The following BMERB1 variants were observed in gnomAD, a reference collection of about 807,000 sequenced individuals.
BMERB1 encodes the protein bMERB domain containing 1.
In BMERB1, 12 loss-of-function variants were observed where a neutral mutation model predicts 23.6. The ratio of observed to expected loss-of-function variants is 0.51; its 90% CI spans 0.33 to 0.82. The LOEUF (loss-of-function observed/expected upper bound fraction) is 0.82. Ranked by LOEUF, BMERB1 falls within the 40% of genes least tolerant of loss-of-function variation. The pLI is 0.03. For missense variants in BMERB1, 247 were observed against 255.4 expected, an observed-to-expected ratio of 0.97 and a Z score of 0.22; for synonymous variants, 122 against 96.6, an observed-to-expected ratio of 1.26 and a Z score of -1.54.
chr16:15,506,638 C>G (rs546572161), intron 1 of BMERB1, among the ~76,000 whole-genome samples: 2 of 152,008 alleles, frequency 1.3e-5, no homozygotes, highest in Non-Finnish European at 2.9e-5. Flanking sequence ...GATTGCCTAA[C>G]CAACCACCTG....
chr16:15,461,429 C>T (rs941625092), intron 1 of BMERB1, among the ~76,000 whole-genome samples: 1 of 152,150 alleles, frequency 6.6e-6, no homozygotes, highest in African/African-American at 2.4e-5. Flanking sequence ...TTCCCTGCTT[C>T]CTTCTCACAC....
intron 1 of BMERB1, among the ~76,000 whole-genome samples, chr16:15,463,969 G>T (rs1394625556): frequency 2.0e-5 from 3 of 152,038 alleles, no homozygotes; most frequent in African/African-American, 7.2e-5. Context: ...TGTGCAAGAA[G>T]AAATTTGGGG....
chr16:15,534,220 C>G (rs1280350832), intron 2 of BMERB1, among the ~76,000 whole-genome samples: 1 of 148,356 alleles, frequency 6.7e-6, no homozygotes, highest in Admixed American at 6.9e-5. Context: ...ATGTAACTGT[C>G]CCTCCAGCCC....
At chr16:15,551,716 G>C (rs1282575117) in intron 2 of BMERB1, among the ~76,000 whole-genome samples, 1 of 152,188 alleles carries the variant, frequency 6.6e-6, no homozygotes, top group Non-Finnish European at 1.5e-5. Context: ...ATTTATAAAG[G>C]AAAGAAGTTT....
chr16:15,515,395 T>C lies in BMERB1; in HGVS notation c.197T>C (p.Val66Ala). Residue 66 changes from valine (V) to alanine (A), a missense_variant, in exon 2 of 6, where the codon GTC becomes GCC. By Grantham distance (64) the Val-to-Ala change is moderately conservative. Transcript: ENST00000300006. ...EMAKIQRLRE[V>A]LVRRESELRF... ...GCAAAAATTCAGCGTCTCCGGGAAG[T>C]CTTGGTCCGCCGGGAGTCTGAGCTC... The C allele has an allele frequency of 6.2e-7, 1 of 1,613,982 alleles. No individual in the cohort carries two copies.
chr16:15,504,019 T>C (rs1233065425), intron 1 of BMERB1, among the ~76,000 whole-genome samples: 1 of 152,224 alleles, frequency 6.6e-6, no homozygotes, highest in African/African-American at 2.4e-5. Flanking sequence ...AGCAAACATA[T>C]GTTACAGAGA....
intron 3 of BMERB1, among the ~76,000 whole-genome samples, chr16:15,578,224 C>CT (rs2030920296): frequency 6.8e-6 from 1 of 146,742 alleles, no homozygotes; most frequent in Non-Finnish European, 1.5e-5. Context: ...TTCTCTTCTC[C>CT]TCTTTTTTTT....
chr16:15,496,224 A>G (rs977799925), intron 1 of BMERB1, among the ~76,000 whole-genome samples: 3 of 152,094 alleles, frequency 2.0e-5, no homozygotes, highest in African/African-American at 7.2e-5. Context: ...GATGGTAAAG[A>G]TAATGGTGAT....
intron 1 of BMERB1, among the ~76,000 whole-genome samples, chr16:15,502,993 T>C (rs1330749988): frequency 1.3e-5 from 2 of 152,220 alleles, no homozygotes; most frequent in Non-Finnish European, 2.9e-5. Context: ...CTCTTTGTGA[T>C]GTCTAGGCAC....
intron 2 of BMERB1, among the ~76,000 whole-genome samples, chr16:15,562,855 T>A (rs906156735): frequency 6.6e-6 from 1 of 152,202 alleles, no homozygotes; most frequent in African/African-American, 2.4e-5. Flanking sequence ...AGCTGTCACC[T>A]GCTAGGACAT....
intron 1 of BMERB1, among the ~76,000 whole-genome samples, chr16:15,503,447 ATTTT>A (rs35592502): frequency 3.8e-5 from 5 of 133,292 alleles, no homozygotes; most frequent in Admixed American, 7.5e-5. Context: ...ACGCCCGGCT[ATTTT>A]TTTTTTTTTT....
chr16:15,564,302 T>G lies in BMERB1; in HGVS notation c.231-3681T>G, dbSNP rs371455831. Among the ~76,000 whole-genome samples the G allele has an allele frequency of 1.4e-4, 22 of 152,340 alleles. 1 individual carries two copies. In the Middle Eastern group the frequency reaches 0.01, roughly 71 times the overall value. ...CATTCTAGATTTTTTACATGTTTTTTTGTGTGTGTGTATCTATAAAATGCA... is the reference window on the plus strand; with the variant it reads ...CATTCTAGATTTTTTACATGTTTTTGTGTGTGTGTGTATCTATAAAATGCA... On this transcript the variant is annotated intron_variant, in intron 2 of 5. Coordinates refer to ENST00000300006, the MANE Select transcript of BMERB1 (RefSeq NM_033201.3).
At chr16:15,529,889 G>C (rs4597346) in intron 2 of BMERB1, among the ~76,000 whole-genome samples, 61,580 of 151,960 alleles carry the variant, frequency 0.41, 14,204 homozygotes, top group African/African-American at 0.61. Context: ...CTGCAAATGT[G>C]TTAAAACAAC....
At chr16:15,580,747 C>A (rs957000293) in intron 3 of BMERB1, among the ~76,000 whole-genome samples, 13 of 151,776 alleles carry the variant, frequency 8.6e-5, no homozygotes, top group East Asian at 2.0e-4. Context: ...GGGTTCCACC[C>A]TGTTAGCCAG....
chr16:15,441,438 C>T (rs2050938400), intron 1 of BMERB1, among the ~76,000 whole-genome samples: 1 of 151,904 alleles, frequency 6.6e-6, no homozygotes, highest in Non-Finnish European at 1.5e-5. Flanking sequence ...GGCTGGAGTG[C>T]AGTGGTGTGA....
rs35139646 is a variant in BMERB1, at chr16:15,561,256, ATTT to A, written c.231-6701_231-6699del. ...ACAGGTGTGAGCCACCACGCCGGCCATTTTTTTTTTTTTTTTTTTTTTTTTTTT... is the reference window on the plus strand; with the variant it reads ...ACAGGTGTGAGCCACCACGCCGGCCATTTTTTTTTTTTTTTTTTTTTTTTT... On this transcript the variant is annotated intron_variant, in intron 2 of 5. Coordinates refer to ENST00000300006, the MANE Select transcript of BMERB1 (RefSeq NM_033201.3). Among the ~76,000 whole-genome samples the A allele has an allele frequency of 7.9e-3, 333 of 42,228 alleles. 3 individuals are homozygous for A. Among genetic ancestry groups the A allele is most frequent in the African/African-American group, 0.035 (323 of 9,348 alleles). The allele number at this position is 42,228 out of a possible 152,430, so 27.7% of individuals were successfully genotyped here.
chr16:15,520,091 A>T (rs745630569), intron 2 of BMERB1, among the ~76,000 whole-genome samples: 2 of 151,858 alleles, frequency 1.3e-5, no homozygotes, highest in Non-Finnish European at 2.9e-5. Flanking sequence ...CCTCGCAAGA[A>T]CCCCAATAGA....
chr16:15,586,977 G>C lies in BMERB1; in HGVS notation c.*148G>C. ...GTCACCAGAGGCCATGGGCACGGCAGGCGGGCCTGGCCACCCTGTACAGAG... is the reference window on the plus strand; with the variant it reads ...GTCACCAGAGGCCATGGGCACGGCACGCGGGCCTGGCCACCCTGTACAGAG... On this transcript the variant is annotated 3_prime_UTR_variant, in exon 6 of 6. Transcript: ENST00000300006. The C allele has an allele frequency of 1.6e-6, 1 of 614,214 alleles. No individual in the cohort carries two copies. The highest frequency in any genetic ancestry group is 2.9e-6 in the Non-Finnish European group (1 of 347,502). 38.0% of individuals were successfully genotyped at this position (614,214 alleles called of 1,614,324 possible). A position where few individuals can be genotyped will look rare whatever the true frequency, so the allele number is the denominator to read the frequency against.
At chr16:15,502,879 G>GT (rs1359886234) in intron 1 of BMERB1, among the ~76,000 whole-genome samples, 2 of 152,134 alleles carry the variant, frequency 1.3e-5, no homozygotes, top group African/African-American at 4.8e-5. Flanking sequence ...ATGAGTCTGT[G>GT]TTCTTCAAAT....
Sources: gnomAD v4.1 joint callset for allele counts (sites outside exome capture counted in the v4.1 genomes callset) on GRCh38, gnomAD v4.1.1 for gene constraint, MANE v1.5 for transcripts, NCBI Gene and HGNC (gene_info 2026-07-23, HGNC 2026-07-21) for gene names.